Variants in PRKCE observed in about 807,000 individuals in gnomAD.
PRKCE encodes protein kinase C epsilon.
A neutral mutation model predicts 85.4 loss-of-function variants in PRKCE; 16 were observed. The ratio of observed to expected loss-of-function variants is 0.19; its 90% CI spans 0.13 to 0.28. The LOEUF is 0.28. Among genes scored for constraint, PRKCE ranks in the 10% least tolerant of loss-of-function variants. The pLI, the probability that PRKCE is intolerant of heterozygous loss-of-function variation, is 1.00. For synonymous variants in PRKCE, 388 were observed against 371.5 expected, an observed-to-expected ratio of 1.04 and a Z score of -0.51; for missense variants, 573 against 975.2, an observed-to-expected ratio of 0.59 and a Z score of 5.49.
At chr2:45,727,450 C>A (rs1681175192) in intron 1 of PRKCE, among the ~76,000 whole-genome samples, 1 of 151,998 alleles carries the variant, frequency 6.6e-6, no homozygotes, top group African/African-American at 2.4e-5. Context: ...TCAAACTCTG[C>A]CTAAAGGATA....
At chr2:45,869,706 CTTTT>C (rs71394860) in intron 2 of PRKCE, among the ~76,000 whole-genome samples, 3 of 109,308 alleles carry the variant, frequency 2.7e-5, no homozygotes, top group African/African-American at 6.9e-5. Flanking sequence ...TTCTCTCTCT[CTTTT>C]TTTTTTTTTT....
At chr2:45,850,909 G>A (rs1261768494) in intron 2 of PRKCE, among the ~76,000 whole-genome samples, 1 of 152,178 alleles carries the variant, frequency 6.6e-6, no homozygotes, top group African/African-American at 2.4e-5. Flanking sequence ...AGGCCCTGGG[G>A]ATGTAGAGCT....
At position 45,686,476 on chromosome 2, in the gene PRKCE, A is replaced by G. The variant is rs530782153; in HGVS notation, c.348+34028A>G. 3 of 152,360 alleles carry G rather than the reference A, an allele frequency of 2.0e-5. No individual in the cohort carries two copies. In the East Asian group the frequency reaches 5.8e-4, roughly 29 times the overall value. 9.4% of individuals were successfully genotyped at this position (152,360 alleles called of 1,614,324 possible). On this transcript the variant is annotated intron_variant, in intron 1 of 14. Coordinates refer to ENST00000306156, the MANE Select transcript of PRKCE (RefSeq NM_005400.3). ...AGAGAAATTGGCTTATCATGTGCAT[A>G]TGATATGCTTATATGCTATACAATA...
At chr2:46,164,765 A>G (rs1344696977) in intron 14 of PRKCE, 1 of 152,288 alleles carries the variant, frequency 6.6e-6, no homozygotes, top group Non-Finnish European at 1.5e-5. Flanking sequence ...CCTTCGTGGA[A>G]GAACCTGCCA....
At chr2:45,855,433 A>C (rs1692593832) in intron 2 of PRKCE, among the ~76,000 whole-genome samples, 2 of 152,244 alleles carry the variant, frequency 1.3e-5, no homozygotes, top group African/African-American at 2.4e-5. Flanking sequence ...TCCCTATTTG[A>C]ATGAACCCCC....
At chr2:45,995,705 CTGTT>C (rs1218920278) in intron 6 of PRKCE, among the ~76,000 whole-genome samples, 3 of 152,196 alleles carry the variant, frequency 2.0e-5, no homozygotes, top group Non-Finnish European at 2.9e-5. Flanking sequence ...ATCTATTTGT[CTGTT>C]CCATTGATGT....
chr2:45,780,400 C>T (rs1686088960), intron 1 of PRKCE, among the ~76,000 whole-genome samples: 1 of 152,172 alleles, frequency 6.6e-6, no homozygotes, highest in Admixed American at 6.5e-5. Flanking sequence ...TGTCTTTTAA[C>T]CTGTTCCTCT....
chr2:46,046,677 G>T (rs920029071), intron 10 of PRKCE, among the ~76,000 whole-genome samples: 1 of 152,196 alleles, frequency 6.6e-6, no homozygotes, highest in Non-Finnish European at 1.5e-5. Flanking sequence ...AAAAGTCAGT[G>T]GGGGAGGCGG....
At chr2:45,837,567 G>A (rs188790368) in intron 1 of PRKCE, among the ~76,000 whole-genome samples, 232 of 152,286 alleles carry the variant, frequency 1.5e-3, no homozygotes, top group Non-Finnish European at 1.9e-3. Flanking sequence ...TAGGGAGCAC[G>A]TTCTGATTCT....
intron 9 of PRKCE, 140 bp downstream of exon 9, chr2:46,007,801 C>A: frequency 1.1e-6 from 1 of 920,268 alleles, no homozygotes; most frequent in Non-Finnish European, 1.6e-6. Context: ...GTGCAAATGA[C>A]CTGAGGCCAA....
At chr2:45,734,030 G>A (rs112397175) in intron 1 of PRKCE, among the ~76,000 whole-genome samples, 2,664 of 152,276 alleles carry the variant, frequency 0.017, 85 homozygotes, top group African/African-American at 0.061. Flanking sequence ...TGTGGGCTGC[G>A]CAGTTGAGGC....
intron 10 of PRKCE, among the ~76,000 whole-genome samples, chr2:46,057,639 G>A (rs567587353): frequency 6.6e-6 from 1 of 152,226 alleles, no homozygotes; most frequent in Admixed American, 6.5e-5. Context: ...TCGCCACGTT[G>A]GCCAGGCTGG....
chr2:46,156,326 T>A (rs1202768349), intron 13 of PRKCE, among the ~76,000 whole-genome samples: 2 of 152,202 alleles, frequency 1.3e-5, no homozygotes, highest in Non-Finnish European at 2.9e-5. Context: ...TTTGCCAAGT[T>A]CCTTGCCCAT....
intron 2 of PRKCE, among the ~76,000 whole-genome samples, chr2:45,882,326 T>C (rs1159331171): frequency 1.3e-5 from 2 of 152,186 alleles, no homozygotes; most frequent in Admixed American, 6.5e-5. Flanking sequence ...CTTGTAGCCA[T>C]GTAGTTCTGC....
At chr2:45,946,377 C>G (rs370373864) in intron 2 of PRKCE, among the ~76,000 whole-genome samples, 2 of 152,140 alleles carry the variant, frequency 1.3e-5, no homozygotes, top group African/African-American at 4.8e-5. Context: ...TATAAATGAC[C>G]CAAGTCAGAA....
chr2:46,064,831 C>G (rs1177528984), intron 10 of PRKCE, among the ~76,000 whole-genome samples: 1 of 152,172 alleles, frequency 6.6e-6, no homozygotes, highest in Non-Finnish European at 1.5e-5. Flanking sequence ...ACTTGATGCT[C>G]ATCCATGGCC....
At chr2:46,085,969 A>G (rs1574432223) in intron 10 of PRKCE, among the ~76,000 whole-genome samples, 1 of 152,116 alleles carries the variant, frequency 6.6e-6, no homozygotes, top group East Asian at 1.9e-4. Flanking sequence ...TTCTTCCACT[A>G]GACCGAGGTG....
At chr2:45,914,003 T>G (rs1697569085) in intron 2 of PRKCE, among the ~76,000 whole-genome samples, 1 of 152,338 alleles carries the variant, frequency 6.6e-6, no homozygotes, top group African/African-American at 2.4e-5. Flanking sequence ...GCCTACAAAC[T>G]TAATGGAGCC....
Position 46,001,418 on chromosome 2 carries a change from G to A in PRKCE, c.838G>A (p.Val280Ile). Residue 280 changes from valine (V) to isoleucine (I), a missense_variant, in exon 7 of 15, where the codon GTT becomes ATT. Transcript: ENST00000306156. This position sits in a 1 kb window ranked among gnomAD's most constrained non-coding sequence, Gnocchi z 4.4. ...TCTCCTTACAGTCTGCAAAATGAAT[G>A]TTCACCGTCGATGTGAGACCAACGT... ...GLQCKVCKMNVHRRCETNVAP... is the reference protein window; with the variant it reads ...GLQCKVCKMNIHRRCETNVAP... The A allele has an allele frequency of 6.3e-7, 1 of 1,599,092 alleles. No homozygotes were observed. The highest frequency in any genetic ancestry group is 8.5e-7 in the Non-Finnish European group (1 of 1,179,630).
Sources: gnomAD v4.1 joint callset for allele counts (sites outside exome capture counted in the v4.1 genomes callset) on GRCh38, gnomAD v4.1.1 for gene constraint, Gnocchi (gnomAD v3.1) non-coding constraint, MANE v1.5 for transcripts, NCBI Gene and HGNC (gene_info 2026-07-23, HGNC 2026-07-21) for gene names.